Variants in HIRA observed in about 807,000 individuals in gnomAD.
HIRA encodes histone cell cycle regulator.
Under a neutral mutation model 126.6 loss-of-function variants are expected in HIRA, and 13 were observed. The ratio of observed to expected loss-of-function variants is 0.10; its 90% CI spans 0.07 to 0.16. The LOEUF (loss-of-function observed/expected upper bound fraction) is 0.16. HIRA is among the 10% of genes least tolerant of loss of function. The pLI is 1.00. For synonymous variants in HIRA, 511 were observed against 520.0 expected (o/e 0.98, Z 0.24); for missense variants, 834 against 1,314.4 (o/e 0.63, Z 5.65).
chr22:19,405,715 G>A (rs1452461747), intron 5 of HIRA, 71 bp downstream of exon 5: 2 of 1,134,406 alleles, frequency 1.8e-6, no homozygotes, highest in East Asian at 2.9e-5. Context: ...GTCCCACAGG[G>A]GACGTGGCGG....
chr22:19,347,684 A>G (rs575185597), intron 24 of HIRA, among the ~76,000 whole-genome samples: 1 of 152,230 alleles, frequency 6.6e-6, no homozygotes, highest in East Asian at 1.9e-4. Flanking sequence ...CATGTCTATA[A>G]TCCCAGCACT....
intron 1 of HIRA, among the ~76,000 whole-genome samples, chr22:19,428,114 G>T (rs999132270): frequency 1.3e-5 from 2 of 152,296 alleles, no homozygotes; most frequent in South Asian, 2.1e-4. Context: ...CCCAGAAGTA[G>T]AGTTATAAGT....
At chr22:19,363,117 C>T (rs1444378667) in intron 15 of HIRA, among the ~76,000 whole-genome samples, 1 of 150,994 alleles carries the variant, frequency 6.6e-6, no homozygotes, top group African/African-American at 2.4e-5. Flanking sequence ...GCCTGTAGTC[C>T]CAGCTACTCG....
rs116154317 is a variant in HIRA at position 19,361,831 on chromosome 22, G to A, written c.1876C>T (p.Leu626=). ...EKVPLAKASS[L]SKRKLELEVE... ...TCAAGCTCAAGTTTTCGCTTGGACA[G>A]TGAGGAAGCCTTAGCCAAAGGGACT... Residue 626 remains leucine, a synonymous_variant, in exon 16 of 25, where the codon CTG becomes TTG. Transcript: ENST00000263208. 1.4e-4 allele frequency: 222 copies of A among 1,614,190 alleles called. No homozygotes were observed. Among genetic ancestry groups the A allele is most frequent in the Non-Finnish European group, 1.8e-4 (217 of 1,180,034 alleles).
Position 19,375,786 on chromosome 22 carries a change from A to G in HIRA, c.1620T>C (p.Asn540=). Residue 540 remains asparagine, a synonymous_variant, in exon 15 of 25, where the codon AAT becomes AAC. Coordinates refer to ENST00000263208, the MANE Select transcript of HIRA (RefSeq NM_003325.4). ...ACAATGCAGCAGGAGTAGAGGTAGC[A>G]TTCATACTGGGGTGAAGAAGAGGGG... ...AGDSVNKDSM[N]ATSTPAALSP... 1 of 1,614,160 alleles carries G rather than the reference A, an allele frequency of 6.2e-7. No individual in the cohort carries two copies. Among genetic ancestry groups the G allele is most frequent in the Non-Finnish European group, 8.5e-7 (1 of 1,180,014 alleles).
At chr22:19,399,647 A>G (rs931772686) in intron 5 of HIRA, among the ~76,000 whole-genome samples, 6 of 152,186 alleles carry the variant, frequency 3.9e-5, no homozygotes, top group Non-Finnish European at 8.8e-5. Flanking sequence ...GATTCTCATA[A>G]AACTGTAGAC....
intron 15 of HIRA, among the ~76,000 whole-genome samples, chr22:19,363,285 ATTTAAT>A (rs1342668034): frequency 6.6e-6 from 1 of 151,520 alleles, no homozygotes; most frequent in Non-Finnish European, 1.5e-5. Context: ...GTTTTTAAAA[ATTTAAT>A]TTTAACTACA....
chr22:19,371,900 T>C (rs186607595), intron 15 of HIRA, among the ~76,000 whole-genome samples: 1 of 152,364 alleles, frequency 6.6e-6, no homozygotes, highest in Admixed American at 6.5e-5. Flanking sequence ...TTCCACTTTT[T>C]GGTTATTATG....
At chr22:19,423,496 C>A (rs1462843403) in intron 1 of HIRA, among the ~76,000 whole-genome samples, 2 of 112,128 alleles carry the variant, frequency 1.8e-5, no homozygotes, top group African/African-American at 7.1e-5. Flanking sequence ...CACACACACA[C>A]ACACACACAC....
chr22:19,431,363 T>C, intron 1 of HIRA, 77 bp downstream of exon 1: 1 of 1,513,036 alleles, frequency 6.6e-7, no homozygotes, highest in Non-Finnish European at 9.1e-7. Context: ...CAGGCAGGAC[T>C]TGCGCGCGCC....
At chr22:19,416,446 C>G (rs991634379) in intron 1 of HIRA, among the ~76,000 whole-genome samples, 2 of 152,090 alleles carry the variant, frequency 1.3e-5, no homozygotes, top group Non-Finnish European at 2.9e-5. Context: ...ACCTCAGTCT[C>G]CTGAGTAGTT....
At chr22:19,338,671 T>C (rs1556006710) in intron 24 of HIRA, among the ~76,000 whole-genome samples, 1 of 152,156 alleles carries the variant, frequency 6.6e-6, no homozygotes. Flanking sequence ...TAGCTATTCT[T>C]ATATCAGACA....
At chr22:19,385,192 A>G (rs2089115256) in intron 12 of HIRA, among the ~76,000 whole-genome samples, 1 of 152,176 alleles carries the variant, frequency 6.6e-6, no homozygotes, top group Admixed American at 6.5e-5. Context: ...GGGGGAGCCC[A>G]TAGAAGTCTC....
chr22:19,346,984 G>A (rs183989387), intron 24 of HIRA, among the ~76,000 whole-genome samples: 3 of 152,332 alleles, frequency 2.0e-5, no homozygotes, highest in South Asian at 2.1e-4. Flanking sequence ...GGCTCCTTCT[G>A]TCTATACCAC....
In HIRA at chr22:19,404,123, T is replaced by C. The variant is rs1012617831; in HGVS notation, c.397+1663A>G. Among the ~76,000 whole-genome samples the C allele has an allele frequency of 3.5e-4, 53 of 152,290 alleles. 1 individual carries two copies. Among genetic ancestry groups the C allele is most frequent in the Admixed American group, 9.8e-4 (15 of 15,308 alleles). On this transcript the variant is annotated intron_variant, in intron 5 of 24. Transcript: ENST00000263208. The stretch of plus-strand genomic sequence containing the variant: ...CCAACCCCCAATTAAATATACCAAG[T>C]ATATATTTCTCACACTTTGCTTTTC...
chr22:19,339,910 C>T (rs1556007135), intron 24 of HIRA, among the ~76,000 whole-genome samples: 1 of 152,068 alleles, frequency 6.6e-6, no homozygotes, highest in African/African-American at 2.4e-5. Context: ...AGTCTGGGAC[C>T]AGATGGATTC....
At chr22:19,368,828 A>G (rs2146204056) in intron 15 of HIRA, among the ~76,000 whole-genome samples, 1 of 152,274 alleles carries the variant, frequency 6.6e-6, no homozygotes, top group Admixed American at 6.5e-5. Flanking sequence ...GGCCCATGAC[A>G]TACACTTGCT....
At chr22:19,365,118 G>C (rs1459913059) in intron 15 of HIRA, among the ~76,000 whole-genome samples, 1 of 152,224 alleles carries the variant, frequency 6.6e-6, no homozygotes, top group Non-Finnish European at 1.5e-5. Context: ...GGAAGCTGGA[G>C]AAGAAAGTCT....
chr22:19,374,782 G>C (rs975313405), intron 15 of HIRA, among the ~76,000 whole-genome samples: 3 of 152,176 alleles, frequency 2.0e-5, no homozygotes, highest in African/African-American at 7.2e-5. Context: ...CCTTGTACTT[G>C]GCTGATGGTG....
Sources: gnomAD v4.1 joint callset for allele counts (sites outside exome capture counted in the v4.1 genomes callset) on GRCh38, gnomAD v4.1.1 for gene constraint, MANE v1.5 for transcripts, NCBI Gene and HGNC (gene_info 2026-07-23, HGNC 2026-07-21) for gene names.